The following RBFOX1 variants were observed in gnomAD, a reference collection of about 807,000 sequenced individuals.
The protein encoded by RBFOX1 is RNA binding fox-1 homolog 1.
Under a neutral mutation model 57.7 loss-of-function variants are expected in RBFOX1, and 8 were observed. That is an observed-to-expected ratio of 0.14 (90% CI 0.08 to 0.25). The LOEUF (loss-of-function observed/expected upper bound fraction) is 0.25, where lower values mean the gene tolerates loss of function less well. RBFOX1 is among the 10% of genes least tolerant of loss of function. The probability of loss-of-function intolerance (pLI) is 1.00; values close to 1 mark genes in which losing one functional copy is unlikely to be tolerated. For synonymous variants in RBFOX1, 326 were observed against 222.4 expected (o/e 1.47, Z -4.15); for missense variants, 611 against 548.5 (o/e 1.11, Z -1.14).
chr16:6,520,226 A>T (rs1352108546), intron 2 of RBFOX1, among the ~76,000 whole-genome samples: 1 of 152,202 alleles, frequency 6.6e-6, no homozygotes, highest in African/African-American at 2.4e-5. Context: ...TTTTAAAGAA[A>T]GGATGTATTC....
At chr16:5,461,395 G>T (rs1314289062) in intron 1 of RBFOX1, among the ~76,000 whole-genome samples, 3 of 152,146 alleles carry the variant, frequency 2.0e-5, no homozygotes, top group Non-Finnish European at 4.4e-5. Flanking sequence ...GAGAGGCGAG[G>T]GGGTGGCTGA....
chr16:7,112,054 G>GTT (rs1466923155), intron 4 of RBFOX1, among the ~76,000 whole-genome samples: 1 of 152,188 alleles, frequency 6.6e-6, no homozygotes, highest in Non-Finnish European at 1.5e-5. Flanking sequence ...AGGTAAGTGT[G>GTT]TGTGTGAGAG....
chr16:5,878,156 C>G (rs1397404267), intron 4 of RBFOX1, among the ~76,000 whole-genome samples: 1 of 152,166 alleles, frequency 6.6e-6, no homozygotes, highest in African/African-American at 2.4e-5. Context: ...GATGAGGGAA[C>G]AATTGGAAAA....
At chr16:7,307,488 A>T (rs1371124383) in intron 4 of RBFOX1, among the ~76,000 whole-genome samples, 1 of 152,206 alleles carries the variant, frequency 6.6e-6, no homozygotes, top group Non-Finnish European at 1.5e-5. Context: ...TGAAGAAGCA[A>T]CTTTGATGTT....
chr16:5,631,072 G>C (rs185740991), intron 3 of RBFOX1, among the ~76,000 whole-genome samples: 1 of 152,174 alleles, frequency 6.6e-6, no homozygotes, highest in African/African-American at 2.4e-5. Flanking sequence ...TCCCCAAAAC[G>C]TGACTGTTGG....
At chr16:6,580,396 A>G (rs1262286353) in intron 2 of RBFOX1, among the ~76,000 whole-genome samples, 1 of 152,202 alleles carries the variant, frequency 6.6e-6, no homozygotes, top group Non-Finnish European at 1.5e-5. Flanking sequence ...GAGGAGCACT[A>G]CTTCCTAATT....
chr16:6,033,783 C>T (rs2095323899), intron 1 of RBFOX1, among the ~76,000 whole-genome samples: 1 of 152,198 alleles, frequency 6.6e-6, no homozygotes, highest in South Asian at 2.1e-4. Flanking sequence ...CTGTAGGATA[C>T]ATTCTTAGAG....
chr16:6,417,613 C>A (rs2093659987), intron 2 of RBFOX1, among the ~76,000 whole-genome samples: 1 of 141,868 alleles, frequency 7.0e-6, no homozygotes, highest in Non-Finnish European at 1.5e-5. Flanking sequence ...TGGTCTTGAA[C>A]TCCTGACCTC....
chr16:5,255,334 A>ATCCT lies in RBFOX1; in HGVS notation c.219+15232_219+15233insTTCC, dbSNP rs1555468908. ...CGTCCACACTTCCTTCCATCCATCC[A>ATCCT]TCCATCCATCCATCCATCCCTCCAT... is the stretch of plus-strand genomic sequence containing the variant. On this transcript the variant is annotated intron_variant, in intron 1 of 2. Transcript: ENST00000585867. Among the ~76,000 whole-genome samples the ATCCT allele has an allele frequency of 8.8e-5, 12 of 137,134 alleles. 1 individual carries two copies. In the South Asian group the frequency reaches 2.6e-3, roughly 30 times the overall value. 90.0% of individuals were successfully genotyped at this position (137,134 alleles called of 152,430 possible). A position where few individuals can be genotyped will look rare whatever the true frequency, so the allele number is the denominator to read the frequency against.
At chr16:6,565,424 A>AT (rs1174922749) in intron 2 of RBFOX1, among the ~76,000 whole-genome samples, 28 of 137,378 alleles carry the variant, frequency 2.0e-4, no homozygotes, top group South Asian at 2.5e-4. Flanking sequence ...TGCCTGGCTA[A>AT]TTTTTTGTAT....
intron 1 of RBFOX1, among the ~76,000 whole-genome samples, chr16:6,278,505 G>A (rs146057611): frequency 1.3e-5 from 2 of 148,552 alleles, no homozygotes; most frequent in East Asian, 4.1e-4. Flanking sequence ...TTTAGTTTCA[G>A]AATTGGTGAA....
intron 3 of RBFOX1, among the ~76,000 whole-genome samples, chr16:6,875,079 C>G (rs1347968574): frequency 1.3e-5 from 2 of 152,132 alleles, no homozygotes. Flanking sequence ...AATGTAAGGA[C>G]TCAAAATGTA....
chr16:6,013,993 A>G (rs1439448369), intron 4 of RBFOX1, among the ~76,000 whole-genome samples: 1 of 152,088 alleles, frequency 6.6e-6, no homozygotes, highest in African/African-American at 2.4e-5. Flanking sequence ...GGTTAGCATT[A>G]GGAGATACAC....
chr16:5,640,625 C>G (rs983192642), intron 3 of RBFOX1, among the ~76,000 whole-genome samples: 5 of 151,642 alleles, frequency 3.3e-5, no homozygotes, highest in Non-Finnish European at 5.9e-5. Flanking sequence ...CATATGCACA[C>G]CATGCATACA....
chr16:5,519,320 T>G (rs1421285859), intron 2 of RBFOX1, among the ~76,000 whole-genome samples: 1 of 152,358 alleles, frequency 6.6e-6, no homozygotes, highest in South Asian at 2.1e-4. Flanking sequence ...GGCAGTACTT[T>G]TACTATCCTG....
intron 4 of RBFOX1, among the ~76,000 whole-genome samples, chr16:7,393,832 C>T (rs2098089144): frequency 6.6e-6 from 1 of 152,094 alleles, no homozygotes; most frequent in South Asian, 2.1e-4. Flanking sequence ...CCAGCCAAGT[C>T]CAAACATTCA....
chr16:5,833,995 T>G (rs2056370271), intron 3 of RBFOX1, among the ~76,000 whole-genome samples: 1 of 152,154 alleles, frequency 6.6e-6, no homozygotes, highest in African/African-American at 2.4e-5. Context: ...CCCCTGCAAA[T>G]GCACATAAAA....
intron 3 of RBFOX1, among the ~76,000 whole-genome samples, chr16:5,634,826 C>G (rs972911628): frequency 1.3e-5 from 2 of 152,186 alleles, no homozygotes; most frequent in African/African-American, 4.8e-5. Flanking sequence ...ACCATCAGCT[C>G]TTTGGCTTTC....
intron 2 of RBFOX1, among the ~76,000 whole-genome samples, chr16:6,490,641 T>A (rs1214448546): frequency 1.3e-5 from 2 of 152,150 alleles, no homozygotes; most frequent in Non-Finnish European, 2.9e-5. Context: ...GGACACAGAT[T>A]TTTTTATACA....
Sources: gnomAD v4.1 joint callset for allele counts (sites outside exome capture counted in the v4.1 genomes callset) on GRCh38, gnomAD v4.1.1 for gene constraint, MANE v1.5 for transcripts, NCBI Gene and HGNC (gene_info 2026-07-23, HGNC 2026-07-21) for gene names.